The following FBXW2 variants were observed in gnomAD, a reference collection of about 807,000 sequenced individuals.
FBXW2 encodes F-box and WD repeat domain containing 2.
A neutral mutation model predicts 46.0 loss-of-function variants in FBXW2; 12 were observed. The ratio of observed to expected loss-of-function variants is 0.26; its 90% CI spans 0.17 to 0.42. FBXW2 has a LOEUF of 0.42. FBXW2 is among the 10% of genes least tolerant of loss of function. The pLI, the probability that FBXW2 is intolerant of heterozygous loss-of-function variation, is 1.00. For missense variants in FBXW2, 360 were observed against 537.0 expected, an observed-to-expected ratio of 0.67 and a Z score of 3.26; for synonymous variants, 203 against 209.6, an observed-to-expected ratio of 0.97 and a Z score of 0.27.
intron 3 of FBXW2, 110 bp from the exon 4 acceptor site, chr9:120,778,655 CACTTT>C (rs1380257110): frequency 1.5e-5 from 14 of 910,776 alleles, no homozygotes; most frequent in African/African-American, 3.3e-5. Flanking sequence ...CTTCCTCTAG[CACTTT>C]ACTTTACCAC....
chr9:120,767,691 A>G (rs1305225017), intron 7 of FBXW2, among the ~76,000 whole-genome samples: 1 of 152,186 alleles, frequency 6.6e-6, no homozygotes, highest in Non-Finnish European at 1.5e-5. Flanking sequence ...CAAACTATCC[A>G]ATACTGAATT....
chr9:120,789,970 C>CA (rs1426526774), intron 2 of FBXW2, among the ~76,000 whole-genome samples: 1 of 152,098 alleles, frequency 6.6e-6, no homozygotes, highest in African/African-American at 2.4e-5. Flanking sequence ...ACCTAGCTGA[C>CA]AAAAAATAAT....
chr9:120,772,804 G>C lies in FBXW2; in HGVS notation c.856C>G (p.His286Asp), dbSNP rs1170783363. ...AAGAGGATGTAGTCTCCAGGACTGT[G>C]CAAGAGAGACTTGACTTTGCACTTC... ...LQKCKVKSLL[H>D]SPGDYILLSA... The change falls in exon 6 of 8, where the codon CAC becomes GAC. Residue 286 changes from histidine (H) to aspartate (D), a missense_variant. Coordinates refer to ENST00000608872, the MANE Select transcript of FBXW2 (RefSeq NM_012164.4). 1.2e-6 allele frequency: 2 copies of C among 1,610,578 alleles called. No individual in the cohort carries two copies. The highest frequency in any genetic ancestry group is 1.7e-5 in the Admixed American group (1 of 59,212).
Position 120,778,084 on chromosome 9 carries a change from TGA to T in FBXW2, c.685+265_685+266del, listed in dbSNP as rs374500563. 4.6e-3 allele frequency among the ~76,000 whole-genome samples: 666 copies of T among 145,922 alleles called. 8 individuals are homozygous for T. The highest frequency in any genetic ancestry group is 0.016 in the African/African-American group (631 of 39,432). Reference sequence around the variant, plus strand: ...GAAACAGGAGGGGGGAGAGAGAGAATGAGAGAGAGAGAGAGAAACAGAGAGAG... The same window carrying T: ...GAAACAGGAGGGGGGAGAGAGAGAATGAGAGAGAGAGAGAAACAGAGAGAG... On this transcript the variant is annotated intron_variant, in intron 4 of 7. Coordinates refer to ENST00000608872, the MANE Select transcript of FBXW2 (RefSeq NM_012164.4).
chr9:120,768,745 C>G (rs2044319387), intron 7 of FBXW2, among the ~76,000 whole-genome samples: 1 of 151,910 alleles, frequency 6.6e-6, no homozygotes, highest in African/African-American at 2.4e-5. Flanking sequence ...TCGCTTGAAC[C>G]TGGGAGGCAG....
At chr9:120,770,584 A>G (rs1485832732) in intron 7 of FBXW2, among the ~76,000 whole-genome samples, 1 of 152,198 alleles carries the variant, frequency 6.6e-6, no homozygotes, top group Non-Finnish European at 1.5e-5. Flanking sequence ...GCCAGGTGGT[A>G]TACTAGGTCC....
chr9:120,793,043 G>A lies in FBXW2; in HGVS notation c.-21+106C>T, dbSNP rs2044885823. The A allele has an allele frequency of 7.3e-6, 9 of 1,224,512 alleles. No homozygotes were observed. The South Asian group carries it at 7.8e-5, about 11-fold the overall frequency. 75.9% of individuals were successfully genotyped at this position (1,224,512 alleles called of 1,614,324 possible). A position where few individuals can be genotyped will look rare whatever the true frequency, so the allele number is the denominator to read the frequency against. ...AAGGAAATGGAGGCAGTAGGAGGCAGTAACTCCAAAACCCTGTTTTCCCGT... is the reference window on the plus strand; with the variant it reads ...AAGGAAATGGAGGCAGTAGGAGGCAATAACTCCAAAACCCTGTTTTCCCGT... On this transcript the variant is annotated intron_variant, in intron 2 of 7. Transcript: ENST00000608872.
chr9:120,765,681 G>C (rs1463347216), intron 7 of FBXW2, among the ~76,000 whole-genome samples: 3 of 152,178 alleles, frequency 2.0e-5, no homozygotes, highest in Non-Finnish European at 2.9e-5. Flanking sequence ...ACTCTACTCA[G>C]CAGGCAGCAA....
In FBXW2 at chr9:120,793,181, G is replaced by A. The variant is rs2044889983; in HGVS notation, c.-53C>T. 1.7e-6 allele frequency: 1 copy of A among 574,664 alleles called. No individual in the cohort carries two copies. Among genetic ancestry groups the A allele is most frequent in the East Asian group, 3.0e-5 (1 of 33,868 alleles). The allele number at this position is 574,664 out of a possible 1,614,324, so 35.6% of individuals were successfully genotyped here. On this transcript the variant is annotated 5_prime_UTR_variant, in exon 2 of 8. Coordinates refer to ENST00000608872, the MANE Select transcript of FBXW2 (RefSeq NM_012164.4). ...AGCGCCCCGGGGCCCGGGACCTCGC[G>A]CCGGGTTCACAGCTACTAGGCACGC...
At position 120,758,158 on chromosome 9, in the gene FBXW2, G is replaced by C. The variant is rs1206829613; in HGVS notation, c.*6401C>G. 6.6e-6 allele frequency: 1 copy of C among 152,200 alleles called. No individual in the cohort carries two copies. Among genetic ancestry groups the C allele is most frequent in the African/African-American group, 2.4e-5 (1 of 41,452 alleles). 9.4% of individuals were successfully genotyped at this position (152,200 alleles called of 1,614,324 possible). On this transcript the variant is annotated 3_prime_UTR_variant, in exon 8 of 8. Coordinates refer to ENST00000608872, the MANE Select transcript of FBXW2 (RefSeq NM_012164.4). ...AACAGTATTTATTGCTAAATGAACT[G>C]CACCACTAACCTTACACAAAAATGC...
intron 5 of FBXW2, among the ~76,000 whole-genome samples, chr9:120,773,440 A>C (rs887509313): frequency 6.6e-6 from 1 of 152,212 alleles, no homozygotes; most frequent in African/African-American, 2.4e-5. Context: ...GGACAAGACC[A>C]TCTAAACTCG....
intron 3 of FBXW2, among the ~76,000 whole-genome samples, chr9:120,780,414 A>G (rs567553651): frequency 6.6e-6 from 1 of 152,250 alleles, no homozygotes; most frequent in South Asian, 2.1e-4. Flanking sequence ...TCAGTATGTC[A>G]AAAATGTCAT....
intron 5 of FBXW2, 88 bp downstream of exon 5, chr9:120,776,005 C>T: frequency 6.6e-7 from 1 of 1,510,898 alleles, no homozygotes; most frequent in East Asian, 2.3e-5. Context: ...TTATGACTCA[C>T]CTAACACTTA....
chr9:120,770,277 G>A (rs1025483004), intron 7 of FBXW2, among the ~76,000 whole-genome samples: 60 of 152,016 alleles, frequency 3.9e-4, no homozygotes, highest in Admixed American at 3.9e-3. Context: ...TCGGGAGGCT[G>A]GGACAGGAGA....
At chr9:120,778,608 C>A in intron 3 of FBXW2, 63 bp from the exon 4 acceptor site, 1 of 1,402,394 alleles carries the variant, frequency 7.1e-7, no homozygotes, top group Non-Finnish European at 9.9e-7. Flanking sequence ...AAAATCAATC[C>A]CAAAATCATG....
chr9:120,790,401 G>T (rs934570543), intron 2 of FBXW2, among the ~76,000 whole-genome samples: 1 of 151,962 alleles, frequency 6.6e-6, no homozygotes, highest in Non-Finnish European at 1.5e-5. Flanking sequence ...GGAGAATGGC[G>T]TGAACCCAGG....
intron 7 of FBXW2, among the ~76,000 whole-genome samples, 190 bp from the exon 8 acceptor site, chr9:120,765,037 G>C (rs748343706): frequency 9.2e-5 from 14 of 151,912 alleles, no homozygotes; most frequent in Non-Finnish European, 1.9e-4. Context: ...GAGCGGGAGA[G>C]GTGCGTTCAG....
intron 3 of FBXW2, among the ~76,000 whole-genome samples, chr9:120,780,250 C>T (rs1184507223): frequency 1.3e-5 from 2 of 150,644 alleles, no homozygotes; most frequent in Admixed American, 1.3e-4. Flanking sequence ...CCCAGCTACT[C>T]AGGAGGCTGA....
rs1180831412 is a variant in FBXW2 at position 120,761,915 on chromosome 9, C to T, written c.*2644G>A. 1.3e-5 allele frequency: 2 copies of T among 152,188 alleles called. No individual in the cohort carries two copies. Among genetic ancestry groups the T allele is most frequent in the Non-Finnish European group, 2.9e-5 (2 of 68,038 alleles). The allele number at this position is 152,188 out of a possible 1,614,324, so 9.4% of individuals were successfully genotyped here. ...ACTATATACAGCTTCAAGTTTGTCA[C>T]TTTTTAATAAAACTTTTCCCACAAA... On this transcript the variant is annotated 3_prime_UTR_variant, in exon 8 of 8. Coordinates refer to ENST00000608872, the MANE Select transcript of FBXW2 (RefSeq NM_012164.4).
Sources: gnomAD v4.1 joint callset for allele counts (sites outside exome capture counted in the v4.1 genomes callset) on GRCh38, gnomAD v4.1.1 for gene constraint, MANE v1.5 for transcripts, NCBI Gene and HGNC (gene_info 2026-07-23, HGNC 2026-07-21) for gene names.